The following ARG1 variants were observed in gnomAD, a reference collection of about 807,000 sequenced individuals.
ARG1 encodes arginase-1.
Under a neutral mutation model 33.0 loss-of-function variants are expected in ARG1, and 20 were observed. That is an observed-to-expected ratio of 0.61 (90% CI 0.43 to 0.88). The LOEUF is 0.88. ARG1 is among the 40% of genes least tolerant of loss of function. The pLI is 0.00. For synonymous variants in ARG1, 146 were observed against 140.6 expected (o/e 1.04, Z -0.27); for missense variants, 374 against 384.7 (o/e 0.97, Z 0.23).
intron 2 of ARG1, among the ~76,000 whole-genome samples, chr6:131,577,587 G>A (rs991655828): frequency 2.0e-5 from 3 of 151,944 alleles, no homozygotes; most frequent in South Asian, 2.1e-4. Context: ...TCCATGCAAC[G>A]AGATAGTATT....
intron 3 of ARG1, among the ~76,000 whole-genome samples, chr6:131,580,431 T>C (rs1028596552): frequency 6.6e-6 from 1 of 152,228 alleles, no homozygotes; most frequent in East Asian, 1.9e-4. Flanking sequence ...ATTCTCTGAA[T>C]GATACTTAAA....
intron 7 of ARG1, 30 bp downstream of exon 7, chr6:131,583,521 C>A: frequency 1.2e-6 from 2 of 1,611,666 alleles, no homozygotes; most frequent in Non-Finnish European, 1.7e-6. Flanking sequence ...AATAGAGAAG[C>A]AAGTGTACAC....
Position 131,578,684 on chromosome 6 carries a change from A to T in ARG1, c.131-427A>T, listed in dbSNP as rs577989206. The stretch of plus-strand genomic sequence containing the variant: ...ACACCAGTGCTTTCTAAATTTTCTG[A>T]GAATACATATATATACCGATATATA... On this transcript the variant is annotated intron_variant, in intron 2 of 7. Coordinates refer to ENST00000368087, the MANE Select transcript of ARG1 (RefSeq NM_000045.4). 4.6e-5 allele frequency among the ~76,000 whole-genome samples: 7 copies of T among 152,246 alleles called. 1 individual carries two copies. The South Asian group carries it at 1.5e-3, about 32-fold the overall frequency.
rs771010341 is a variant in ARG1, at chr6:131,583,782, C to T, written c.843C>T (p.Ser281=). Residue 281 remains serine, a synonymous_variant, in exon 8 of 8, where the codon TCC becomes TCT. Coordinates refer to ENST00000368087, the MANE Select transcript of ARG1 (RefSeq NM_000045.4). ...TAGATATAATGGAAGTGAACCCATCCCTGGGGAAGACACCAGAAGAAGTAA... is the reference window on the plus strand; with the variant it reads ...TAGATATAATGGAAGTGAACCCATCTCTGGGGAAGACACCAGAAGAAGTAA... The part of the protein sequence containing the change: ...SGLDIMEVNP[S]LGKTPEEVTR... 4 of 1,613,996 alleles carry T rather than the reference C, an allele frequency of 2.5e-6. No individual in the cohort carries two copies. The highest frequency in any genetic ancestry group is 3.4e-6 in the Non-Finnish European group (4 of 1,179,948).
At chr6:131,576,278 C>T (rs1321999644) in intron 1 of ARG1, among the ~76,000 whole-genome samples, 1 of 152,174 alleles carries the variant, frequency 6.6e-6, no homozygotes, top group Admixed American at 6.5e-5. Flanking sequence ...AAGTCAAAAG[C>T]CTTTTCATTA....
At chr6:131,576,516 TAA>T (rs1773619646) in intron 1 of ARG1, 145 bp from the exon 2 acceptor site, 4 of 743,250 alleles carry the variant, frequency 5.4e-6, no homozygotes, top group South Asian at 4.6e-5. Context: ...CTGTGAAGAT[TAA>T]AAGAGATGAT....
Position 131,583,978 on chromosome 6 carries a change from T to C in ARG1, c.*70T>C. 6.5e-7 allele frequency: 1 copy of C among 1,546,268 alleles called. No individual in the cohort carries two copies. On this transcript the variant is annotated 3_prime_UTR_variant, in exon 8 of 8. Transcript: ENST00000368087. ...AGAAAGCTAATCATTTTCTTAAGCA[T>C]AGAGTTATCCTTCTAAAGACTTGTT...
chr6:131,583,165 G>A lies in ARG1; in HGVS notation c.665+1G>A, dbSNP rs111533425. On this transcript the variant is annotated splice_donor_variant, in intron 6 of 7. Coordinates refer to ENST00000368087, the MANE Select transcript of ARG1 (RefSeq NM_000045.4). LOFTEE classifies it high-confidence loss of function. ...AAACACTCAGCTATCTACTAGGAAG[G>A]TAGGATTCTTTTGTGTGTGCACACA... 2 of 1,612,918 alleles carry A rather than the reference G, an allele frequency of 1.2e-6. No individual in the cohort carries two copies. Among genetic ancestry groups the A allele is most frequent in the Non-Finnish European group, 1.7e-6 (2 of 1,178,978 alleles).
At position 131,583,998 on chromosome 6, in the gene ARG1, C is replaced by T; in HGVS notation, c.*90C>T. 7.0e-7 allele frequency: 1 copy of T among 1,427,098 alleles called. No homozygotes were observed. The highest frequency in any genetic ancestry group is 9.7e-7 in the Non-Finnish European group (1 of 1,034,852). The allele number at this position is 1,427,098 out of a possible 1,614,324, so 88.4% of individuals were successfully genotyped here. A position where few individuals can be genotyped will look rare whatever the true frequency, so the allele number is the denominator to read the frequency against. On this transcript the variant is annotated 3_prime_UTR_variant, in exon 8 of 8. Transcript: ENST00000368087. ...AAGCATAGAGTTATCCTTCTAAAGA[C>T]TTGTTCTTTCAGAAAAATGTTTTTC...
At chr6:131,576,803 G>A in intron 2 of ARG1, 68 bp downstream of exon 2, 1 of 1,379,822 alleles carries the variant, frequency 7.2e-7, no homozygotes, top group Non-Finnish European at 1.0e-6. Flanking sequence ...GCAGGCCCCT[G>A]TGAACCTGGA....
chr6:131,579,195 C>T lies in ARG1; in HGVS notation c.215C>T (p.Ser72Phe). The T allele has an allele frequency of 6.2e-7, 1 of 1,614,080 alleles. No homozygotes were observed. The highest frequency in any genetic ancestry group is 8.5e-7 in the Non-Finnish European group (1 of 1,180,014). The change falls in exon 3 of 8, where the codon TCT becomes TTT. Residue 72 changes from serine (S) to phenylalanine (F), a missense_variant. Physicochemically the swap from Ser to Phe is radical, Grantham distance 155 (BLOSUM62 -2). Transcript: ENST00000368087. ...TTTCAAATTGTGAAGAATCCAAGGT[C>T]TGTGGGAAAAGCAAGCGAGCAGCTG... is the stretch of plus-strand genomic sequence containing the variant. ...SPFQIVKNPRSVGKASEQLAG... is the reference protein window; with the variant it reads ...SPFQIVKNPRFVGKASEQLAG...
At chr6:131,573,575 G>A (rs984931246) in intron 1 of ARG1, among the ~76,000 whole-genome samples, 29 of 152,070 alleles carry the variant, frequency 1.9e-4, no homozygotes, top group African/African-American at 7.0e-4. Context: ...CCTACAGAAT[G>A]TTTTCTCATA....
intron 2 of ARG1, among the ~76,000 whole-genome samples, chr6:131,578,333 C>T (rs1012687416): frequency 2.0e-5 from 3 of 152,118 alleles, no homozygotes; most frequent in Non-Finnish European, 4.4e-5. Flanking sequence ...CAGATTCACA[C>T]AGACATGTAA....
At chr6:131,574,022 C>A (rs1273561963) in intron 1 of ARG1, 1 of 507,138 alleles carries the variant, frequency 2.0e-6, no homozygotes, top group Admixed American at 3.1e-5. Context: ...TTCCTTACAG[C>A]CACGAGCTGT....
rs1420954130 is a variant in ARG1 at position 131,583,882 on chromosome 6, A to AT, written c.945dup (p.Asp316Ter). 41 of 1,614,150 alleles carry AT rather than the reference A, an allele frequency of 2.5e-5. No individual in the cohort carries two copies. The highest frequency in any genetic ancestry group is 3.5e-5 in the Non-Finnish European group (41 of 1,179,992). On this transcript the variant is annotated frameshift_variant, in exon 8 of 8. Transcript: ENST00000368087. LOFTEE classifies it high-confidence loss of function. ...TGCTCGGGAGGGTAATCACAAGCCTATTGACTACCTTAACCCACCTAAGTA... is the reference window on the plus strand; with the variant it reads ...TGCTCGGGAGGGTAATCACAAGCCTATTTGACTACCTTAACCCACCTAAGTA...
At position 131,583,920 on chromosome 6, in the gene ARG1, TC is replaced by T. The variant is rs777029258; in HGVS notation, c.*14del. 1.9e-6 allele frequency: 3 copies of T among 1,613,318 alleles called. No individual in the cohort carries two copies. The South Asian group carries it at 3.3e-5, about 18-fold the overall frequency. On this transcript the variant is annotated 3_prime_UTR_variant, in exon 8 of 8. Transcript: ENST00000368087. Reference sequence around the variant, plus strand: ...ACCCACCTAAGTAAATGTGGAAACATCCGATATAAATCTCATAGTTAATGGC... The same window carrying T: ...ACCCACCTAAGTAAATGTGGAAACATCGATATAAATCTCATAGTTAATGGC...
At chr6:131,575,482 T>C (rs1396049363) in intron 1 of ARG1, among the ~76,000 whole-genome samples, 1 of 152,036 alleles carries the variant, frequency 6.6e-6, no homozygotes, top group Admixed American at 6.5e-5. Context: ...AGAAGCAAAA[T>C]GTGTCAGGCA....
rs772318412 is a variant in ARG1 at position 131,573,908 on chromosome 6, G to A, written c.57+569G>A. 7 of 302,906 alleles carry A rather than the reference G, an allele frequency of 2.3e-5. No homozygotes were observed. The Admixed American group carries it at 2.6e-4, about 11-fold the overall frequency. 18.8% of individuals were successfully genotyped at this position (302,906 alleles called of 1,614,324 possible). A position where few individuals can be genotyped will look rare whatever the true frequency, so the allele number is the denominator to read the frequency against. On this transcript the variant is annotated intron_variant, in intron 1 of 7. Coordinates refer to ENST00000368087, the MANE Select transcript of ARG1 (RefSeq NM_000045.4). ...TCATGGACTAGGTAGAATCCTTTAT[G>A]TGCCTCACTTGGAAGGGGAAAAAAA...
At chr6:131,582,259 A>C (rs1773964431) in intron 4 of ARG1, among the ~76,000 whole-genome samples, 3 of 152,152 alleles carry the variant, frequency 2.0e-5, no homozygotes, top group Admixed American at 2.0e-4. Flanking sequence ...ACAGGCCACA[A>C]ATTTCCCTCA....
Sources: gnomAD v4.1 joint callset for allele counts (sites outside exome capture counted in the v4.1 genomes callset) on GRCh38, gnomAD v4.1.1 for gene constraint, MANE v1.5 for transcripts, NCBI Gene and HGNC (gene_info 2026-07-23, HGNC 2026-07-21) for gene names.